Variants in ADD2 observed in about 807,000 individuals in gnomAD.
ADD2 encodes the protein beta-adducin.
In ADD2, 23 loss-of-function variants were observed where a neutral mutation model predicts 83.0. The observed-to-expected ratio is 0.28, with a 90% CI of 0.20 to 0.39. The LOEUF is 0.39. ADD2 is among the 10% of genes least tolerant of loss of function. ADD2 has a pLI of 1.00. For missense variants in ADD2, 758 were observed against 944.9 expected, an observed-to-expected ratio of 0.80 and a Z score of 2.59; for synonymous variants, 375 against 375.4, an observed-to-expected ratio of 1.00 and a Z score of 0.01.
intron 1 of ADD2, among the ~76,000 whole-genome samples, chr2:70,747,811 T>C (rs1415340633): frequency 6.6e-6 from 1 of 152,226 alleles, no homozygotes; most frequent in African/African-American, 2.4e-5. Flanking sequence ...TTCTGAAATA[T>C]TACTCAGTGG....
chr2:70,700,219 A>C (rs1553373342), intron 4 of ADD2, among the ~76,000 whole-genome samples: 4 of 152,190 alleles, frequency 2.6e-5, no homozygotes, highest in Non-Finnish European at 5.9e-5. Context: ...GAATACCTGA[A>C]TATATCTCCA....
At chr2:70,718,870 T>C (rs114094887) in intron 1 of ADD2, among the ~76,000 whole-genome samples, 171 of 152,322 alleles carry the variant, frequency 1.1e-3, no homozygotes, top group African/African-American at 4.0e-3. Flanking sequence ...GCCAGGGGCC[T>C]GGTAGGAGGT....
chr2:70,691,198 C>T (rs1671017413), intron 7 of ADD2, among the ~76,000 whole-genome samples: 1 of 152,180 alleles, frequency 6.6e-6, no homozygotes, highest in Admixed American at 6.5e-5. Flanking sequence ...AAAGAATGCA[C>T]TCCAGAGACC....
At position 70,767,983 on chromosome 2, in the gene ADD2, C is replaced by A; in HGVS notation, c.-251G>T. The A allele has an allele frequency of 6.5e-7, 1 of 1,534,564 alleles. No individual in the cohort carries two copies. Among genetic ancestry groups the A allele is most frequent in the Non-Finnish European group, 8.7e-7 (1 of 1,145,960 alleles). On this transcript the variant is annotated 5_prime_UTR_variant, in exon 1 of 16. Coordinates refer to ENST00000264436, the MANE Select transcript of ADD2 (RefSeq NM_001617.4). ...GTGGGGTGCGCTTAAAAAATCCACCCAGCTAATCTGCAGGGCAGCGTTTTC... is the reference window on the plus strand; with the variant it reads ...GTGGGGTGCGCTTAAAAAATCCACCAAGCTAATCTGCAGGGCAGCGTTTTC...
Position 70,676,115 on chromosome 2 carries a change from T to C in ADD2, c.1593+681A>G. On this transcript the variant is annotated intron_variant, in intron 13 of 15. Transcript: ENST00000264436. This position sits in a 1 kb window ranked among gnomAD's most constrained non-coding sequence, Gnocchi z 4.8. ...GGAACATTTCCTGTATTTCCCCAAT[T>C]TTTACTGCTAAGGAAAATGTCATGC... The C allele has an allele frequency of 1.0e-6, 1 of 985,408 alleles. No homozygotes were observed. Among genetic ancestry groups the C allele is most frequent in the South Asian group, 4.7e-5 (1 of 21,282 alleles). The allele number at this position is 985,408 out of a possible 1,614,324, so 61.0% of individuals were successfully genotyped here. A position where few individuals can be genotyped will look rare whatever the true frequency, so the allele number is the denominator to read the frequency against.
intron 2 of ADD2, 79 bp downstream of exon 2, chr2:70,712,987 T>G (rs191438098): frequency 1.9e-6 from 1 of 518,646 alleles, no homozygotes; most frequent in Non-Finnish European, 2.5e-6. Context: ...GCAAAGGGCC[T>G]TGTCTGTACC....
chr2:70,759,849 C>T (rs1219739553), intron 1 of ADD2, among the ~76,000 whole-genome samples: 3 of 152,182 alleles, frequency 2.0e-5, no homozygotes, highest in Non-Finnish European at 4.4e-5. Context: ...GGATCTGCCA[C>T]TCAAGGTGGC....
chr2:70,705,231 A>C (rs1052019294), intron 3 of ADD2, among the ~76,000 whole-genome samples: 3 of 152,054 alleles, frequency 2.0e-5, no homozygotes, highest in Non-Finnish European at 4.4e-5. Flanking sequence ...TGCTTTCAGC[A>C]TCTGCCATAT....
intron 1 of ADD2, among the ~76,000 whole-genome samples, chr2:70,747,612 A>G (rs1329226941): frequency 5.3e-5 from 8 of 152,280 alleles, no homozygotes; most frequent in African/African-American, 1.9e-4. Context: ...CTATCATGCT[A>G]TGTGTTCACC....
At chr2:70,712,976 T>A (rs1009539681) in intron 2 of ADD2, 90 bp downstream of exon 2, 20 of 407,046 alleles carry the variant, frequency 4.9e-5, no homozygotes, top group Admixed American at 6.4e-5. Flanking sequence ...CTCATCCTCA[T>A]GCAAAGGGCC....
At chr2:70,682,465 G>A (rs1304651545) in intron 10 of ADD2, among the ~76,000 whole-genome samples, 3 of 152,142 alleles carry the variant, frequency 2.0e-5, no homozygotes, top group African/African-American at 4.8e-5. Context: ...ACAAAGTAGA[G>A]ATGATTTGGA....
Position 70,695,327 on chromosome 2 carries a change from C to T in ADD2, c.555+394G>A, listed in dbSNP as rs1442203127. On this transcript the variant is annotated intron_variant, in intron 6 of 15. Coordinates refer to ENST00000264436, the MANE Select transcript of ADD2 (RefSeq NM_001617.4). Reference sequence around the variant, plus strand: ...TAAAAGGAGCAACACTGAAAAGGGACCCAGAAGCATCTCTAATGGTGCCAG... The same window carrying T: ...TAAAAGGAGCAACACTGAAAAGGGATCCAGAAGCATCTCTAATGGTGCCAG... Among the ~76,000 whole-genome samples, 5 of 152,094 alleles carry T rather than the reference C, an allele frequency of 3.3e-5. No homozygotes were observed. In the East Asian group the frequency reaches 9.7e-4, roughly 29 times the overall value.
intron 1 of ADD2, among the ~76,000 whole-genome samples, chr2:70,754,931 A>G (rs1237736288): frequency 2.9e-4 from 44 of 151,948 alleles, no homozygotes; most frequent in African/African-American, 1.0e-3. Context: ...ATCTCTTCTC[A>G]TGTAGCTTAA....
intron 1 of ADD2, among the ~76,000 whole-genome samples, chr2:70,752,664 CAG>C (rs1327918728): frequency 2.6e-5 from 4 of 152,076 alleles, no homozygotes; most frequent in East Asian, 1.9e-4. Context: ...AAGGAAAATG[CAG>C]AGAGAAATGG....
intron 4 of ADD2, 58 bp downstream of exon 4, chr2:70,704,263 T>TCCCCCCCCCCCCCCCCCCCCCCCCACC: frequency 1.1e-6 from 1 of 913,238 alleles, no homozygotes; most frequent in Non-Finnish European, 1.7e-6. Context: ...CTCCCTCTCT[T>TCCCCCCCCCCCCCCCCCCCCCCCCACC]CCCCACCCCA....
At position 70,732,653 on chromosome 2, in the gene ADD2, G is replaced by A. The variant is rs3771422; in HGVS notation, c.-153-19469C>T. ...AGAGGATCCTGTCTGTCTAGAGCCA[G>A]AGCAGTAAGGTCCCCGGGGGCTGGG... On this transcript the variant is annotated intron_variant, in intron 1 of 15. Transcript: ENST00000264436. 5.7e-4 allele frequency among the ~76,000 whole-genome samples: 87 copies of A among 152,284 alleles called. 1 individual carries two copies. In the East Asian group the frequency reaches 0.016, roughly 28 times the overall value.
intron 10 of ADD2, among the ~76,000 whole-genome samples, chr2:70,681,734 C>T (rs1179395865): frequency 6.7e-6 from 1 of 149,864 alleles, no homozygotes; most frequent in Non-Finnish European, 1.5e-5. Context: ...TAATAGTTTC[C>T]TTTCCTTTAT....
At chr2:70,678,399 G>C (rs1670285124) in intron 11 of ADD2, among the ~76,000 whole-genome samples, 1 of 152,126 alleles carries the variant, frequency 6.6e-6, no homozygotes, top group African/African-American at 2.4e-5. Flanking sequence ...AATTTCCCAA[G>C]AGCCCCCTGT....
At chr2:70,665,739 G>GT (rs1553366023) in intron 15 of ADD2, among the ~76,000 whole-genome samples, 2 of 151,628 alleles carry the variant, frequency 1.3e-5, no homozygotes, top group Non-Finnish European at 2.9e-5. Flanking sequence ...TCCAGGTAGA[G>GT]TTTATCACTC....
Sources: gnomAD v4.1 joint callset for allele counts (sites outside exome capture counted in the v4.1 genomes callset) on GRCh38, gnomAD v4.1.1 for gene constraint, Gnocchi (gnomAD v3.1) non-coding constraint, MANE v1.5 for transcripts, NCBI Gene and HGNC (gene_info 2026-07-23, HGNC 2026-07-21) for gene names.